Variants in KCNJ6 observed in about 807,000 individuals in gnomAD.
The protein encoded by KCNJ6 is potassium inwardly rectifying channel subfamily J member 6.
A neutral mutation model predicts 34.2 loss-of-function variants in KCNJ6; 9 were observed. The observed-to-expected ratio is 0.26, with a 90% confidence interval of 0.16 to 0.46. The LOEUF (loss-of-function observed/expected upper bound fraction) is 0.46. KCNJ6 is among the 20% of genes least tolerant of loss of function. KCNJ6 has a pLI of 1.00. For missense variants in KCNJ6, 236 were observed against 531.3 expected (o/e 0.44, Z 5.46); for synonymous variants, 196 against 207.1 (o/e 0.95, Z 0.46).
chr21:37,661,614 G>GTTTTTTTTTTTTT (rs59026391), intron 3 of KCNJ6, among the ~76,000 whole-genome samples: 2,234 of 70,982 alleles, frequency 0.031, 547 homozygotes, highest in Non-Finnish European at 0.044. Context: ...AAGAGACATA[G>GTTTTTTTTTTTTT]TTTTTTTTTT....
At chr21:37,769,743 G>A (rs2055108931) in intron 2 of KCNJ6, among the ~76,000 whole-genome samples, 1 of 152,146 alleles carries the variant, frequency 6.6e-6, no homozygotes, top group Non-Finnish European at 1.5e-5. Context: ...CCAATGGGAT[G>A]GTATTCAAAG....
chr21:37,854,763 GA>G (rs1390503809), intron 1 of KCNJ6, among the ~76,000 whole-genome samples: 3 of 152,122 alleles, frequency 2.0e-5, no homozygotes, highest in Non-Finnish European at 4.4e-5. Context: ...TCATAAATAT[GA>G]ACAACCATTA....
intron 2 of KCNJ6, among the ~76,000 whole-genome samples, chr21:37,743,262 G>A (rs538512706): frequency 6.6e-6 from 1 of 152,308 alleles, no homozygotes; most frequent in East Asian, 1.9e-4. Context: ...AGGAGACATT[G>A]CCTGAATAAA....
chr21:37,614,479 CATGTGTCT>C lies in KCNJ6; in HGVS notation c.*10672_*10679del. On this transcript the variant is annotated 3_prime_UTR_variant, in exon 4 of 4. Coordinates refer to ENST00000609713, the MANE Select transcript of KCNJ6 (RefSeq NM_002240.5). ...GTCTGTGTCTGCGTGTGTGTGTATG[CATGTGTCT>C]GTGTGCGTGTATGCATGTGTCTCTG... 1 of 138,390 alleles carries C rather than the reference CATGTGTCT, an allele frequency of 7.2e-6. No homozygotes were observed. Among genetic ancestry groups the C allele is most frequent in the South Asian group, 2.4e-4 (1 of 4,130 alleles). 8.6% of individuals were successfully genotyped at this position (138,390 alleles called of 1,614,324 possible).
intron 3 of KCNJ6, among the ~76,000 whole-genome samples, chr21:37,665,762 C>G (rs1332356444): frequency 6.6e-6 from 1 of 152,254 alleles, no homozygotes; most frequent in African/African-American, 2.4e-5. Flanking sequence ...CCGAGCGTTG[C>G]TGCTGTTTAG....
intron 3 of KCNJ6, among the ~76,000 whole-genome samples, chr21:37,708,123 G>C (rs1166647636): frequency 6.6e-6 from 1 of 152,140 alleles, no homozygotes; most frequent in African/African-American, 2.4e-5. Context: ...GGATTTTCTG[G>C]TATTGGTGAA....
intron 1 of KCNJ6, among the ~76,000 whole-genome samples, chr21:37,889,539 G>A (rs1275139329): frequency 6.6e-6 from 1 of 152,066 alleles, no homozygotes; most frequent in Admixed American, 6.5e-5. Context: ...GTTCCTAGAG[G>A]GCTGCCATGA....
rs892829268 is a variant in KCNJ6 at position 37,828,572 on chromosome 21, G to A, written c.25+12086C>T. ...GTGACAAAGTAACATGAGGCAAAGC[G>A]GGCTGCATGAGGTGAAAAGCAAATT... is the stretch of plus-strand genomic sequence containing the variant. On this transcript the variant is annotated intron_variant, in intron 2 of 3. Coordinates refer to ENST00000609713, the MANE Select transcript of KCNJ6 (RefSeq NM_002240.5). 1.1e-4 allele frequency among the ~76,000 whole-genome samples: 16 copies of A among 152,234 alleles called. 1 individual carries two copies. The highest frequency in any genetic ancestry group is 3.6e-4 in the African/African-American group (15 of 41,450).
At chr21:37,641,089 G>C (rs2054378852) in intron 3 of KCNJ6, among the ~76,000 whole-genome samples, 1 of 152,164 alleles carries the variant, frequency 6.6e-6, no homozygotes, top group Non-Finnish European at 1.5e-5. Flanking sequence ...CACTTTCACA[G>C]TATCCAGTGC....
intron 3 of KCNJ6, among the ~76,000 whole-genome samples, chr21:37,698,485 T>C (rs977709009): frequency 2.0e-5 from 3 of 152,250 alleles, no homozygotes; most frequent in Admixed American, 6.5e-5. Context: ...CCATATTGTA[T>C]TGTAATTTGT....
rs1388157299 is a variant in KCNJ6, at chr21:37,619,919, C to T, written c.*5240G>A. 6.6e-6 allele frequency: 1 copy of T among 152,144 alleles called. No individual in the cohort carries two copies. The highest frequency in any genetic ancestry group is 1.5e-5 in the Non-Finnish European group (1 of 68,044). The allele number at this position is 152,144 out of a possible 1,614,324, so 9.4% of individuals were successfully genotyped here. On this transcript the variant is annotated 3_prime_UTR_variant, in exon 4 of 4. Coordinates refer to ENST00000609713, the MANE Select transcript of KCNJ6 (RefSeq NM_002240.5). Reference sequence around the variant, plus strand: ...CCGCTAGATCCTGGCTGGCTGTTGACTCTATTTGCCACTCTGGAGGAATGG... The same window carrying T: ...CCGCTAGATCCTGGCTGGCTGTTGATTCTATTTGCCACTCTGGAGGAATGG...
chr21:37,863,932 A>G (rs2055608775), intron 1 of KCNJ6, among the ~76,000 whole-genome samples: 1 of 140,500 alleles, frequency 7.1e-6, no homozygotes, highest in African/African-American at 2.8e-5. Context: ...GTTGAGTTTA[A>G]ACTGCTTGAA....
Position 37,710,759 on chromosome 21 carries a change from C to T in KCNJ6, c.946+3452G>A, listed in dbSNP as rs2054747553. ...CTATTTTAACACACATGGGCCACAG[C>T]TGCTGAGCACGTTTGTTTACGTAGC... On this transcript the variant is annotated intron_variant, in intron 3 of 3. Transcript: ENST00000609713. Among the ~76,000 whole-genome samples, 2 of 152,358 alleles carry T rather than the reference C, an allele frequency of 1.3e-5. 1 individual carries two copies. Among genetic ancestry groups the T allele is most frequent in the East Asian group, 3.9e-4 (2 of 5,182 alleles).
chr21:37,907,169 T>G (rs2055845808), intron 1 of KCNJ6, among the ~76,000 whole-genome samples: 1 of 152,186 alleles, frequency 6.6e-6, no homozygotes, highest in African/African-American at 2.4e-5. Flanking sequence ...CTGAAGGTAG[T>G]GTGTTGACAA....
intron 2 of KCNJ6, among the ~76,000 whole-genome samples, chr21:37,827,092 T>C (rs896261505): frequency 2.0e-5 from 3 of 152,168 alleles, no homozygotes; most frequent in African/African-American, 7.2e-5. Flanking sequence ...AGCTATAACC[T>C]GAATTAAATA....
intron 2 of KCNJ6, among the ~76,000 whole-genome samples, chr21:37,786,183 C>T (rs2055191789): frequency 6.6e-6 from 1 of 152,142 alleles, no homozygotes; most frequent in South Asian, 2.1e-4. Flanking sequence ...CCTCTTTGCC[C>T]TCCTGGTGAT....
At chr21:37,886,035 G>A (rs1013876045) in intron 1 of KCNJ6, among the ~76,000 whole-genome samples, 11 of 152,098 alleles carry the variant, frequency 7.2e-5, no homozygotes, top group Non-Finnish European at 1.6e-4. Context: ...AAAATGACAC[G>A]ATTTGCTTAT....
At chr21:37,809,439 T>C (rs1248141250) in intron 2 of KCNJ6, among the ~76,000 whole-genome samples, 2 of 151,952 alleles carry the variant, frequency 1.3e-5, no homozygotes, top group South Asian at 4.2e-4. Context: ...GACGAGTTAA[T>C]GGGTGCAGCA....
At chr21:37,635,581 A>T (rs1451565492) in intron 3 of KCNJ6, among the ~76,000 whole-genome samples, 1 of 151,850 alleles carries the variant, frequency 6.6e-6, no homozygotes, top group East Asian at 1.9e-4. Flanking sequence ...CAGTGGCAAG[A>T]TCTTGGCTCA....
Sources: allele counts gnomAD v4.1 joint callset (sites outside exome capture counted in the v4.1 genomes callset), GRCh38; gene constraint gnomAD v4.1.1; transcripts MANE v1.5; gene names NCBI Gene and HGNC (gene_info 2026-07-23, HGNC 2026-07-21).